The following NETO2 variants were observed in gnomAD, a reference collection of about 807,000 sequenced individuals.
NETO2 encodes neuropilin and tolloid like 2, also known as neuropilin and tolloid-like protein 2.
A neutral mutation model predicts 62.5 loss-of-function variants in NETO2; 28 were observed. That is an observed-to-expected ratio of 0.45 (90% confidence interval 0.33 to 0.61). The LOEUF (loss-of-function observed/expected upper bound fraction) is 0.61, where lower values mean the gene tolerates loss of function less well. Among genes scored for constraint, NETO2 ranks in the 20% least tolerant of loss-of-function variants. The pLI, the probability that NETO2 is intolerant of heterozygous loss-of-function variation, is 0.02. For missense variants in NETO2, 548 were observed against 643.2 expected (o/e 0.85, Z 1.60); for synonymous variants, 214 against 219.1 (o/e 0.98, Z 0.21).
intron 6 of NETO2, among the ~76,000 whole-genome samples, chr16:47,111,288 T>G (rs1343394453): frequency 6.6e-6 from 1 of 152,200 alleles, no homozygotes; most frequent in Non-Finnish European, 1.5e-5. Context: ...TCTGAAGTAT[T>G]TATATTTACT....
rs139461361 is a variant in NETO2, at chr16:47,097,141, C to T, written c.884-10802G>A. Among the ~76,000 whole-genome samples, 1,041 of 152,148 alleles carry T rather than the reference C, an allele frequency of 6.8e-3. 11 individuals are homozygous for T. The highest frequency in any genetic ancestry group is 0.024 in the African/African-American group (997 of 41,512). On this transcript the variant is annotated intron_variant, in intron 7 of 8. Coordinates refer to ENST00000562435, the MANE Select transcript of NETO2 (RefSeq NM_018092.5). ...TACCTGCAGAAGTTTTTTTTCATACCCTAGTGGTGCCTGGAACGCCAGCGA... is the reference window on the plus strand; with the variant it reads ...TACCTGCAGAAGTTTTTTTTCATACTCTAGTGGTGCCTGGAACGCCAGCGA...
chr16:47,126,284 A>G (rs1488845101), intron 4 of NETO2, among the ~76,000 whole-genome samples: 1 of 152,230 alleles, frequency 6.6e-6, no homozygotes, highest in African/African-American at 2.4e-5. Context: ...ACCATGGTAC[A>G]TCTAGACAAT....
At chr16:47,096,126 C>T (rs1381300670) in intron 7 of NETO2, among the ~76,000 whole-genome samples, 6 of 151,830 alleles carry the variant, frequency 4.0e-5, no homozygotes, top group Non-Finnish European at 7.4e-5. Context: ...AAATGAAACC[C>T]AAAACATGCC....
rs539775424 is a variant in NETO2 at position 47,114,429 on chromosome 16, T to C, written c.655-4718A>G. Among the ~76,000 whole-genome samples the C allele has an allele frequency of 8.6e-4, 127 of 147,330 alleles. 4 individuals carry two copies. The South Asian group carries it at 0.026, about 31-fold the overall frequency. On this transcript the variant is annotated intron_variant, in intron 6 of 8. Transcript: ENST00000562435. Reference sequence around the variant, plus strand: ...AGAAAAGCTTTTTCATTAGTCCAATTTATAAATTTCTTTTTTTTTTTTTTT... The same window carrying C: ...AGAAAAGCTTTTTCATTAGTCCAATCTATAAATTTCTTTTTTTTTTTTTTT...
chr16:47,086,254 T>C lies in NETO2; in HGVS notation c.969A>G (p.Ala323=). The change falls in exon 8 of 9, where the codon GCA becomes GCG. Residue 323 remains alanine (A), a synonymous_variant. Transcript: ENST00000562435. ...SLVCNGVQNC[A]YPWDENHCKE... is the part of the protein sequence containing the mutation. ...TACAATGATTTTCATCCCAAGGGTATGCACAATTTTGGACACCATTACAGA... is the reference window on the plus strand; with the variant it reads ...TACAATGATTTTCATCCCAAGGGTACGCACAATTTTGGACACCATTACAGA... 1 of 1,611,496 alleles carries C rather than the reference T, an allele frequency of 6.2e-7. No homozygotes were observed. Among genetic ancestry groups the C allele is most frequent in the African/African-American group, 1.3e-5 (1 of 75,028 alleles).
rs749427046 is a variant in NETO2, at chr16:47,122,783, A to G, written c.528T>C (p.Asp176=). 5.6e-6 allele frequency: 9 copies of G among 1,614,102 alleles called. No individual in the cohort carries two copies. Among genetic ancestry groups the G allele is most frequent in the Non-Finnish European group, 7.6e-6 (9 of 1,180,012 alleles). Residue 176 remains aspartate (D), a splice_region_variant and synonymous_variant, in exon 6 of 9, where the codon GAT becomes GAC. Transcript: ENST00000562435. ...CAGCTCCCGAGAGCTCGAACTGACAATCTGGAAGGAATACATGAAAGGTGT... is the reference window on the plus strand; with the variant it reads ...CAGCTCCCGAGAGCTCGAACTGACAGTCTGGAAGGAATACATGAAAGGTGT... The part of the protein sequence containing the change: ...YLGGILNPIP[D]CQFELSGADG...
chr16:47,127,275 C>T (rs922009116), intron 4 of NETO2, among the ~76,000 whole-genome samples: 10 of 152,162 alleles, frequency 6.6e-5, no homozygotes, highest in Admixed American at 3.9e-4. Flanking sequence ...GATATGTACA[C>T]GCCATACTGG....
At chr16:47,114,417 C>T (rs1194040806) in intron 6 of NETO2, among the ~76,000 whole-genome samples, 3 of 53,102 alleles carry the variant, frequency 5.6e-5, no homozygotes, top group African/African-American at 2.2e-4. Flanking sequence ...AAAGCTTTTT[C>T]ATTAGTCCAA....
chr16:47,121,838 C>T (rs1964046916), intron 6 of NETO2, among the ~76,000 whole-genome samples: 2 of 152,322 alleles, frequency 1.3e-5, no homozygotes, highest in African/African-American at 2.4e-5. Flanking sequence ...CATTTCTCAT[C>T]CATAAGCATT....
chr16:47,134,270 T>G (rs2151493238), intron 1 of NETO2, among the ~76,000 whole-genome samples: 1 of 152,358 alleles, frequency 6.6e-6, no homozygotes, highest in South Asian at 2.1e-4. Flanking sequence ...CCTTGGTTTC[T>G]TGCATCCTTG....
chr16:47,141,684 C>G (rs1964463432), intron 1 of NETO2, among the ~76,000 whole-genome samples: 1 of 152,174 alleles, frequency 6.6e-6, no homozygotes, highest in Admixed American at 6.5e-5. Context: ...CCACCAATAG[C>G]AGCAACAACA....
At chr16:47,129,728 G>C (rs1964227533) in intron 2 of NETO2, among the ~76,000 whole-genome samples, 1 of 152,140 alleles carries the variant, frequency 6.6e-6, no homozygotes, top group South Asian at 2.1e-4. Flanking sequence ...CTCAAACTTA[G>C]TTTAACACAA....
At chr16:47,123,677 T>C (rs1964090509) in intron 4 of NETO2, among the ~76,000 whole-genome samples, 1 of 152,210 alleles carries the variant, frequency 6.6e-6, no homozygotes, top group African/African-American at 2.4e-5. Flanking sequence ...CTAAAATGTC[T>C]CAGATTTCTG....
chr16:47,107,105 CAT>C (rs1178761456), intron 7 of NETO2, among the ~76,000 whole-genome samples: 1 of 152,092 alleles, frequency 6.6e-6, no homozygotes, highest in Non-Finnish European at 1.5e-5. Context: ...AAGTTAAAAA[CAT>C]AAAGTGTAAA....
chr16:47,090,747 T>C (rs1039172403), intron 7 of NETO2, among the ~76,000 whole-genome samples: 4 of 152,254 alleles, frequency 2.6e-5, no homozygotes, highest in African/African-American at 9.6e-5. Context: ...GTTCTAGTCC[T>C]AGAAATTATT....
At chr16:47,132,125 A>C (rs1167872703) in intron 1 of NETO2, 100 bp from the exon 2 acceptor site, 1 of 881,138 alleles carries the variant, frequency 1.1e-6, no homozygotes, top group East Asian at 2.6e-5. Flanking sequence ...ATTAACTAAA[A>C]TCACTATTTA....
Position 47,109,563 on chromosome 16 carries a change from C to T in NETO2, c.803G>A (p.Gly268Glu), listed in dbSNP as rs1356111240. 2.5e-6 allele frequency: 4 copies of T among 1,613,980 alleles called. No homozygotes were observed. The highest frequency in any genetic ancestry group is 1.1e-5 in the South Asian group (1 of 91,090). The change falls in exon 7 of 9, where the codon GGA becomes GAA. Residue 268 changes from glycine (G) to glutamate (E), a missense_variant. Physicochemically the swap from Gly to Glu is moderately conservative, Grantham distance 98. Coordinates refer to ENST00000562435, the MANE Select transcript of NETO2 (RefSeq NM_018092.5). ...TVANDVMLKT[G>E]IGVIRMWADE... ...TGCCCACATTCGAATCACTCCAATT[C>T]CTGTTTTAAGCATTACATCATTGGC... is the stretch of plus-strand genomic sequence containing the variant.
intron 1 of NETO2, among the ~76,000 whole-genome samples, chr16:47,142,613 C>A (rs1012590125): frequency 8.5e-5 from 13 of 152,190 alleles, no homozygotes; most frequent in South Asian, 2.1e-4. Flanking sequence ...AACACGTCAG[C>A]TTTCAATTTA....
intron 7 of NETO2, among the ~76,000 whole-genome samples, chr16:47,099,154 C>T (rs531709893): frequency 6.6e-6 from 1 of 152,228 alleles, no homozygotes; most frequent in East Asian, 1.9e-4. Flanking sequence ...GCCACTGCGC[C>T]CAGCCTCAAC....
Sources: gnomAD v4.1 joint callset for allele counts (sites outside exome capture counted in the v4.1 genomes callset) on GRCh38, gnomAD v4.1.1 for gene constraint, MANE v1.5 for transcripts, NCBI Gene and HGNC (gene_info 2026-07-23, HGNC 2026-07-21) for gene names.